Variants in PCDHGA1 observed in about 807,000 individuals in gnomAD.
PCDHGA1 encodes protocadherin gamma-A1.
Under a neutral mutation model 58.0 loss-of-function variants are expected in PCDHGA1, and 32 were observed. The ratio of observed to expected loss-of-function variants is 0.55; its 90% CI spans 0.42 to 0.74. PCDHGA1 has a LOEUF of 0.74. PCDHGA1 is among the 30% of genes least tolerant of loss of function. The pLI is 0.00. For synonymous variants in PCDHGA1, 498 were observed against 501.1 expected (o/e 0.99, Z 0.08); for missense variants, 1,205 against 1,182.3 (o/e 1.02, Z -0.28).
In PCDHGA1 at chr5:141,476,584, C is replaced by A; in HGVS notation, c.2422-18223C>A. ...TGGCTCCGGGGACGCGCTTTCCGCTCGAGAGCGCGCACGATCCCGATGTGG... is the reference window on the plus strand; with the variant it reads ...TGGCTCCGGGGACGCGCTTTCCGCTAGAGAGCGCGCACGATCCCGATGTGG... On this transcript the variant is annotated intron_variant, in intron 1 of 3. Coordinates refer to ENST00000517417, the MANE Select transcript of PCDHGA1 (RefSeq NM_018912.3). This position sits in a 1 kb window ranked among gnomAD's most constrained non-coding sequence, Gnocchi z 7.6. The A allele has an allele frequency of 6.2e-7, 1 of 1,614,216 alleles. No homozygotes were observed. The highest frequency in any genetic ancestry group is 8.5e-7 in the Non-Finnish European group (1 of 1,180,042).
chr5:141,340,497 C>G (rs758184570), intron 1 of PCDHGA1: 2 of 1,614,236 alleles, frequency 1.2e-6, no homozygotes, highest in Admixed American at 3.3e-5. Context: ...TCTATCAACT[C>G]CGACACTGGA....
At position 141,422,108 on chromosome 5, in the gene PCDHGA1, A is replaced by G. The variant is rs766617894; in HGVS notation, c.2422-72699A>G. 4.4e-6 allele frequency: 7 copies of G among 1,606,984 alleles called. No homozygotes were observed. In the East Asian group the frequency reaches 1.6e-4, roughly 36 times the overall value. ...GAAAGCAAGGCTTCTGAAATATTCCAATTGGATTCACAAACTGGAGAAGTT... is the reference window on the plus strand; with the variant it reads ...GAAAGCAAGGCTTCTGAAATATTCCGATTGGATTCACAAACTGGAGAAGTT... On this transcript the variant is annotated intron_variant, in intron 1 of 3. Transcript: ENST00000517417.
chr5:141,355,025 T>A, intron 1 of PCDHGA1: 2 of 933,162 alleles, frequency 2.1e-6, no homozygotes, highest in East Asian at 2.9e-5. Flanking sequence ...TTAATCAGAA[T>A]CACAAGATTT....
At chr5:141,349,988 T>G in intron 1 of PCDHGA1, 1 of 314,376 alleles carries the variant, frequency 3.2e-6, no homozygotes, top group Non-Finnish European at 5.8e-6. Flanking sequence ...AGGTTGCGCT[T>G]TGAGGATAAA....
chr5:141,371,470 A>T (rs1215048137), intron 1 of PCDHGA1: 1 of 1,613,998 alleles, frequency 6.2e-7, no homozygotes, highest in Admixed American at 1.7e-5. Context: ...ATACAAGAAG[A>T]TGCTGAGCTG....
At chr5:141,339,792 A>G (rs1291009236) in intron 1 of PCDHGA1, 1 of 1,614,162 alleles carries the variant, frequency 6.2e-7, no homozygotes. Flanking sequence ...GAGGGCTACT[A>G]CGCTCAAGTG....
Position 141,431,420 on chromosome 5 carries a change from G to C in PCDHGA1, c.2422-63387G>C, listed in dbSNP as rs780266425. The C allele has an allele frequency of 8.1e-6, 13 of 1,613,592 alleles. No individual in the cohort carries two copies. Among genetic ancestry groups the C allele is most frequent in the East Asian group, 2.2e-5 (1 of 44,902 alleles). ...TACGGCCTCCGACGGGGGCGACCCG[G>C]TGCGCACAGGCACCGCGCGCATCCG... is the stretch of plus-strand genomic sequence containing the variant. On this transcript the variant is annotated intron_variant, in intron 1 of 3. Transcript: ENST00000517417. This position sits in a 1 kb window ranked among gnomAD's most constrained non-coding sequence, Gnocchi z 4.8.
chr5:141,372,670 A>T (rs1383646459), intron 1 of PCDHGA1: 1 of 1,614,026 alleles, frequency 6.2e-7, no homozygotes. Flanking sequence ...GCTGCCTCAC[A>T]TTCCTCAAAC....
chr5:141,421,586 T>A (rs750525078), intron 1 of PCDHGA1: 2 of 1,613,602 alleles, frequency 1.2e-6, no homozygotes, highest in Admixed American at 3.3e-5. Context: ...ATTTACGGAG[T>A]GGAGGTGGAA....
At chr5:141,507,432 C>T (rs2099860585) in intron 3 of PCDHGA1, 1 of 152,198 alleles carries the variant, frequency 6.6e-6, no homozygotes. Flanking sequence ...GGGGCCAGGC[C>T]TACAGCTGAC....
At position 141,431,280 on chromosome 5, in the gene PCDHGA1, C is replaced by G; in HGVS notation, c.2422-63527C>G. ...TCTCTGCAGAGCTACGAGCTCAGCC[C>G]GAACACTCACTTCTCCCTCATCGTG... On this transcript the variant is annotated intron_variant, in intron 1 of 3. Transcript: ENST00000517417. This position sits in a 1 kb window ranked among gnomAD's most constrained non-coding sequence, Gnocchi z 4.8. The G allele has an allele frequency of 6.2e-7, 1 of 1,614,146 alleles. No homozygotes were observed. The highest frequency in any genetic ancestry group is 8.5e-7 in the Non-Finnish European group (1 of 1,180,040).
intron 1 of PCDHGA1, among the ~76,000 whole-genome samples, chr5:141,438,620 A>G (rs2098023964): frequency 1.0e-4 from 4 of 39,044 alleles, no homozygotes; most frequent in African/African-American, 8.0e-4. Flanking sequence ...ATATATATAT[A>G]TATATATATA....
rs547854431 is a variant in PCDHGA1, at chr5:141,476,383, C to A, written c.2422-18424C>A. 1.2e-6 allele frequency: 2 copies of A among 1,614,102 alleles called. No homozygotes were observed. Among genetic ancestry groups the A allele is most frequent in the African/African-American group, 1.3e-5 (1 of 75,014 alleles). On this transcript the variant is annotated intron_variant, in intron 1 of 3. Transcript: ENST00000517417. The surrounding 1 kb of genome is among the most constrained non-coding windows in gnomAD (Gnocchi z 7.6). ...GGGAGACCGGAGAGATGTTTGTGAA[C>A]GACCGTCTGGATCGAGAGGAGCTGT...
rs1759714741 is a variant in PCDHGA1, at chr5:141,355,099, TG to T, written c.2421+21996del. On this transcript the variant is annotated intron_variant, in intron 1 of 3. Coordinates refer to ENST00000517417, the MANE Select transcript of PCDHGA1 (RefSeq NM_018912.3). ...CTTCAAGCGGAAGCCCTGAGAGCTC[TG>T]GCTGTGAATGCACTTTATTTTGGAC... 41 of 1,497,568 alleles carry T rather than the reference TG, an allele frequency of 2.7e-5. No individual in the cohort carries two copies. In the South Asian group the frequency reaches 5.5e-4, roughly 20 times the overall value. The allele number at this position is 1,497,568 out of a possible 1,614,324, so 92.8% of individuals were successfully genotyped here. A position where few individuals can be genotyped will look rare whatever the true frequency, so the allele number is the denominator to read the frequency against.
chr5:141,358,758 G>A (rs1369983986), intron 1 of PCDHGA1, among the ~76,000 whole-genome samples: 3 of 152,164 alleles, frequency 2.0e-5, no homozygotes, highest in Admixed American at 2.0e-4. Context: ...TTGTCATCAT[G>A]TGAGCCTCTT....
chr5:141,341,572 G>A lies in PCDHGA1; in HGVS notation c.2421+8467G>A, dbSNP rs1359460491. The A allele has an allele frequency of 3.2e-6, 4 of 1,251,972 alleles. 1 individual carries two copies. The highest frequency in any genetic ancestry group is 5.5e-4 in the Middle Eastern group (2 of 3,620). 77.6% of individuals were successfully genotyped at this position (1,251,972 alleles called of 1,614,324 possible). A position where few individuals can be genotyped will look rare whatever the true frequency, so the allele number is the denominator to read the frequency against. On this transcript the variant is annotated intron_variant, in intron 1 of 3. Coordinates refer to ENST00000517417, the MANE Select transcript of PCDHGA1 (RefSeq NM_018912.3). ...TAGTGTTCACAGGCTGTAAGAGGAA[G>A]AAGAGACGTGAGAATCTTTGTGCAA...
intron 1 of PCDHGA1, among the ~76,000 whole-genome samples, chr5:141,467,571 A>T (rs1228156610): frequency 6.6e-6 from 1 of 152,212 alleles, no homozygotes; most frequent in African/African-American, 2.4e-5. Context: ...ATGGCTATCC[A>T]GTTGTCCCAA....
At chr5:141,393,806 C>CA in intron 1 of PCDHGA1, 12 of 1,613,866 alleles carry the variant, frequency 7.4e-6, no homozygotes, top group Non-Finnish European at 1.0e-5. Flanking sequence ...TGGGGAGGAC[C>CA]AAATTGCTCA....
In PCDHGA1 at chr5:141,432,219, T is replaced by A. The variant is rs1327611752; in HGVS notation, c.2422-62588T>A. 6.2e-7 allele frequency: 1 copy of A among 1,614,122 alleles called. No homozygotes were observed. Among genetic ancestry groups the A allele is most frequent in the East Asian group, 2.2e-5 (1 of 44,868 alleles). On this transcript the variant is annotated intron_variant, in intron 1 of 3. Transcript: ENST00000517417. The surrounding 1 kb of genome is among the most constrained non-coding windows in gnomAD (Gnocchi z 6.0). The stretch of plus-strand genomic sequence containing the variant: ...CCCGACTGTGAAGAGAACGCCCAGA[T>A]CACTTATTCCCTGGCTGAGAACACC...
Sources: gnomAD v4.1 joint callset for allele counts (sites outside exome capture counted in the v4.1 genomes callset) on GRCh38, gnomAD v4.1.1 for gene constraint, Gnocchi (gnomAD v3.1) non-coding constraint, MANE v1.5 for transcripts, NCBI Gene and HGNC (gene_info 2026-07-23, HGNC 2026-07-21) for gene names.